Variants in LEPR observed in about 807,000 individuals in gnomAD.
LEPR encodes OB receptor.
LEPR carries 56 observed loss-of-function variants against 114.7 expected under a neutral mutation model. That is an observed-to-expected ratio of 0.49 (90% CI 0.39 to 0.61). LEPR has a LOEUF of 0.61. LEPR is among the 20% of genes least tolerant of loss of function. The probability of loss-of-function intolerance (pLI) is 0.00; values close to 1 mark genes in which losing one functional copy is unlikely to be tolerated. For missense variants in LEPR, 1,202 were observed against 1,352.9 expected, an observed-to-expected ratio of 0.89 and a Z score of 1.75; for synonymous variants, 443 against 461.4, an observed-to-expected ratio of 0.96 and a Z score of 0.51.
intron 2 of LEPR, among the ~76,000 whole-genome samples, chr1:65,553,234 C>T (rs948504282): frequency 6.6e-6 from 1 of 151,988 alleles, no homozygotes; most frequent in Non-Finnish European, 1.5e-5. Flanking sequence ...GTGGTGTTCT[C>T]GTATTTCTTG....
chr1:65,588,714 C>G (rs1025222387), intron 5 of LEPR, among the ~76,000 whole-genome samples: 2 of 152,018 alleles, frequency 1.3e-5, no homozygotes, highest in Non-Finnish European at 2.9e-5. Context: ...GTTGTGCTTT[C>G]ATATACATGA....
Position 65,592,724 on chromosome 1 carries a change from T to C in LEPR, c.562T>C (p.Cys188Arg). ...KGSFQMVHCN[C>R]SVHECCECLV... ...CAGTTTTCAGATGGTTCACTGCAAT[T>C]GCAGTGTTCATGAATGTTGTGAATG... Residue 188 changes from cysteine to arginine, a missense_variant, in exon 6 of 20, where the codon TGC (cysteine) becomes CGC (arginine). Physicochemically the swap from Cys to Arg is radical, Grantham distance 180 (BLOSUM62 -3). Transcript: ENST00000349533. The C allele has an allele frequency of 6.2e-7, 1 of 1,613,406 alleles. No individual in the cohort carries two copies. The highest frequency in any genetic ancestry group is 8.5e-7 in the Non-Finnish European group (1 of 1,179,518).
intron 2 of LEPR, among the ~76,000 whole-genome samples, chr1:65,550,166 C>T (rs1652185270): frequency 6.6e-6 from 1 of 152,166 alleles, no homozygotes; most frequent in African/African-American, 2.4e-5. Flanking sequence ...CTGATCCTTC[C>T]TCTGGAAGTT....
intron 2 of LEPR, among the ~76,000 whole-genome samples, chr1:65,532,911 T>A (rs1459031315): frequency 6.6e-6 from 1 of 152,210 alleles, no homozygotes; most frequent in Non-Finnish European, 1.5e-5. Flanking sequence ...TGGTGATGAT[T>A]GCTCTGTTAG....
At chr1:65,480,228 G>GA (rs370023969) in intron 2 of LEPR, among the ~76,000 whole-genome samples, 2,202 of 148,328 alleles carry the variant, frequency 0.015, 52 homozygotes, top group African/African-American at 0.05. Flanking sequence ...TCCTATGGTA[G>GA]AAAAAAAAAA....
chr1:65,428,792 A>G (rs1646428699), intron 2 of LEPR, among the ~76,000 whole-genome samples: 3 of 152,208 alleles, frequency 2.0e-5, no homozygotes, highest in Admixed American at 1.3e-4. Flanking sequence ...TTATTTTTGA[A>G]GTACTGATAG....
intron 2 of LEPR, chr1:65,434,053 T>C: frequency 2.0e-6 from 2 of 985,394 alleles, no homozygotes; most frequent in Non-Finnish European, 2.4e-6. Flanking sequence ...ATACACATTT[T>C]CAATAACCAA....
intron 14 of LEPR, 147 bp downstream of exon 14, chr1:65,610,443 A>T: frequency 1.4e-6 from 1 of 726,236 alleles, no homozygotes. Context: ...AAAGAGAGCT[A>T]AGATGTACAG....
upstream of LEPR, chr1:65,420,663 T>A: frequency 1.9e-6 from 3 of 1,551,718 alleles, no homozygotes; most frequent in African/African-American, 1.4e-5. Flanking sequence ...CGGTCTGGCT[T>A]GGGCAGGCTG....
intron 10 of LEPR, among the ~76,000 whole-genome samples, chr1:65,604,695 G>A (rs1049949487): frequency 2.0e-5 from 3 of 152,192 alleles, no homozygotes; most frequent in African/African-American, 7.2e-5. Context: ...TTAGGAACCC[G>A]GCCACAAAGC....
At chr1:65,594,256 A>C (rs1358214423) in intron 6 of LEPR, among the ~76,000 whole-genome samples, 1 of 152,064 alleles carries the variant, frequency 6.6e-6, no homozygotes, top group Non-Finnish European at 1.5e-5. Flanking sequence ...AATATTCACA[A>C]AATCCCTAAG....
chr1:65,517,823 A>G (rs1649367205), intron 2 of LEPR, among the ~76,000 whole-genome samples: 1 of 152,152 alleles, frequency 6.6e-6, no homozygotes, highest in African/African-American at 2.4e-5. Flanking sequence ...TCCACTTCCA[A>G]TTGTTGTGAG....
chr1:65,528,023 G>A (rs1650093367), intron 2 of LEPR, among the ~76,000 whole-genome samples: 1 of 152,062 alleles, frequency 6.6e-6, no homozygotes, highest in Non-Finnish European at 1.5e-5. Flanking sequence ...TTGTAATGTG[G>A]GGACTTACTC....
At chr1:65,596,300 C>G in intron 6 of LEPR, 148 bp from the exon 7 acceptor site, 1 of 908,232 alleles carries the variant, frequency 1.1e-6, no homozygotes. Context: ...AAGCTTGTTT[C>G]GGTTCTATAA....
chr1:65,627,824 G>A (rs750880603), intron 19 of LEPR, among the ~76,000 whole-genome samples: 17 of 152,116 alleles, frequency 1.1e-4, no homozygotes, highest in Non-Finnish European at 2.4e-4. Flanking sequence ...ATTTTTTAAA[G>A]GAAGTAATAA....
At chr1:65,550,739 G>A (rs1652257392) in intron 2 of LEPR, among the ~76,000 whole-genome samples, 3 of 152,296 alleles carry the variant, frequency 2.0e-5, no homozygotes, top group South Asian at 2.1e-4. Context: ...CCTTGACCGG[G>A]AAAGGGAACT....
At chr1:65,623,260 A>G in intron 19 of LEPR, 1 of 318,766 alleles carries the variant, frequency 3.1e-6, no homozygotes, top group Non-Finnish European at 5.8e-6. Context: ...TTAGAAAGTT[A>G]AGGGTCAATC....
At chr1:65,518,739 C>T (rs141998387) in intron 2 of LEPR, among the ~76,000 whole-genome samples, 37 of 152,274 alleles carry the variant, frequency 2.4e-4, no homozygotes, top group African/African-American at 8.9e-4. Context: ...ACAATTCTGC[C>T]AAGCTTTCTA....
At chr1:65,463,296 T>G (rs1473264736) in intron 2 of LEPR, among the ~76,000 whole-genome samples, 1 of 152,134 alleles carries the variant, frequency 6.6e-6, no homozygotes, top group Non-Finnish European at 1.5e-5. Flanking sequence ...TCCCCATTGC[T>G]TGTTTGTGTC....
Sources: allele counts gnomAD v4.1 joint callset (sites outside exome capture counted in the v4.1 genomes callset), GRCh38; gene constraint gnomAD v4.1.1; transcripts MANE v1.5; gene names NCBI Gene and HGNC (gene_info 2026-07-23, HGNC 2026-07-21).